The following RALYL variants were observed in gnomAD, a reference collection of about 807,000 sequenced individuals.
RALYL encodes the protein RNA-binding Raly-like protein.
A neutral mutation model predicts 35.1 loss-of-function variants in RALYL; 29 were observed. The ratio of observed to expected loss-of-function variants is 0.83; its 90% CI spans 0.61 to 1.13. The LOEUF is 1.13. Among genes scored for constraint, RALYL ranks in the 50% most tolerant of loss-of-function variants. The pLI is 0.00. For missense variants in RALYL, 359 were observed against 360.4 expected (o/e 1.00, Z 0.03); for synonymous variants, 120 against 127.6 (o/e 0.94, Z 0.40).
chr8:84,550,720 C>T (rs751492056), intron 2 of RALYL, among the ~76,000 whole-genome samples: 18 of 151,746 alleles, frequency 1.2e-4, no homozygotes, highest in East Asian at 1.9e-4. Context: ...ATTATGAACG[C>T]GGTTCCTATA....
At chr8:84,611,530 A>T (rs1818309556) in intron 2 of RALYL, among the ~76,000 whole-genome samples, 1 of 152,144 alleles carries the variant, frequency 6.6e-6, no homozygotes, top group Non-Finnish European at 1.5e-5. Flanking sequence ...TCATACATGT[A>T]TATGAATGAA....
chr8:84,293,084 A>G (rs1384258088), intron 1 of RALYL, among the ~76,000 whole-genome samples: 1 of 152,174 alleles, frequency 6.6e-6, no homozygotes, highest in Admixed American at 6.6e-5. Context: ...AAATTACATA[A>G]TATGGTAATG....
At chr8:84,460,345 G>A (rs185281252) in intron 1 of RALYL, among the ~76,000 whole-genome samples, 4 of 151,768 alleles carry the variant, frequency 2.6e-5, no homozygotes, top group Non-Finnish European at 1.5e-5. Context: ...TTCACCTCCA[G>A]GTATATTTGT....
At chr8:84,825,131 T>G (rs1829392493) in intron 4 of RALYL, among the ~76,000 whole-genome samples, 1 of 152,046 alleles carries the variant, frequency 6.6e-6, no homozygotes, top group African/African-American at 2.4e-5. Context: ...CCAGAATCTT[T>G]AAGGAACTTA....
At chr8:84,835,683 CAAAA>C (rs5892932) in intron 4 of RALYL, among the ~76,000 whole-genome samples, 1 of 72,554 alleles carries the variant, frequency 1.4e-5, no homozygotes, top group African/African-American at 5.2e-5. Context: ...AACTCCGTCT[CAAAA>C]AAAAAAAAAA....
At chr8:84,387,234 A>C (rs909431624) in intron 1 of RALYL, among the ~76,000 whole-genome samples, 2 of 151,828 alleles carry the variant, frequency 1.3e-5, no homozygotes, top group Non-Finnish European at 2.9e-5. Flanking sequence ...TATGGTAGGC[A>C]CTTAACATGT....
intron 1 of RALYL, among the ~76,000 whole-genome samples, chr8:84,496,282 G>A (rs1471234076): frequency 6.6e-6 from 1 of 152,118 alleles, no homozygotes; most frequent in Non-Finnish European, 1.5e-5. Flanking sequence ...ATGTGAATAA[G>A]CAAGGTAGTT....
In RALYL at chr8:84,425,416, G is replaced by GGT. The variant is rs1261527954; in HGVS notation, c.-23-103881_-23-103880dup. Among the ~76,000 whole-genome samples the GGT allele has an allele frequency of 3.9e-5, 6 of 152,140 alleles. No homozygotes were observed. In the East Asian group the frequency reaches 1.2e-3, roughly 30 times the overall value. On this transcript the variant is annotated intron_variant, in intron 1 of 8. Coordinates refer to ENST00000521268, the MANE Select transcript of RALYL (RefSeq NM_173848.7). Reference sequence around the variant, plus strand: ...CCTCGCCCTGCTTCGGCTCGCGCACGGTGCGCTCACCCACTGGCCTGCGCC... The same window carrying GGT: ...CCTCGCCCTGCTTCGGCTCGCGCACGGTGTGCGCTCACCCACTGGCCTGCGCC...
At chr8:84,873,507 T>C in intron 7 of RALYL, 110 bp downstream of exon 7, 2 of 543,936 alleles carry the variant, frequency 3.7e-6, no homozygotes, top group Admixed American at 3.5e-5. Context: ...CAGTGTTTAA[T>C]ACAGATGTGC....
Position 84,615,570 on chromosome 8 carries a change from C to CTTTTTTTT in RALYL, c.256+86016_256+86023dup, listed in dbSNP as rs60428128. The stretch of plus-strand genomic sequence containing the variant: ...GAGAGCCTGACTATAGAACTTTCGT[C>CTTTTTTTT]TTTTTTTTTTTTTTTTTTTTTTTTT... On this transcript the variant is annotated intron_variant, in intron 2 of 8. Coordinates refer to ENST00000521268, the MANE Select transcript of RALYL (RefSeq NM_173848.7). 1.4e-3 allele frequency among the ~76,000 whole-genome samples: 93 copies of CTTTTTTTT among 67,368 alleles called. 1 individual carries two copies. The highest frequency in any genetic ancestry group is 1.7e-3 in the African/African-American group (27 of 15,498). The allele number at this position is 67,368 out of a possible 152,430, so 44.2% of individuals were successfully genotyped here. A position where few individuals can be genotyped will look rare whatever the true frequency, so the allele number is the denominator to read the frequency against.
intron 1 of RALYL, among the ~76,000 whole-genome samples, chr8:84,498,136 A>G (rs983562350): frequency 6.6e-6 from 1 of 152,048 alleles, no homozygotes; most frequent in Non-Finnish European, 1.5e-5. Flanking sequence ...GGAAGCCAAC[A>G]TAACTCCATT....
intron 1 of RALYL, among the ~76,000 whole-genome samples, chr8:84,435,707 C>T (rs2047640161): frequency 6.6e-6 from 1 of 152,064 alleles, no homozygotes; most frequent in South Asian, 2.1e-4. Flanking sequence ...TAATCACTAC[C>T]ATACTCACCA....
chr8:84,623,259 A>G (rs1821968986), intron 2 of RALYL, among the ~76,000 whole-genome samples: 1 of 152,154 alleles, frequency 6.6e-6, no homozygotes. Context: ...TTAATGTGTC[A>G]TGTTATCGTG....
chr8:84,809,358 T>C (rs1004446204), intron 4 of RALYL, among the ~76,000 whole-genome samples: 4 of 152,206 alleles, frequency 2.6e-5, no homozygotes, highest in Non-Finnish European at 5.9e-5. Flanking sequence ...GGTTATCTTT[T>C]TGATATGTTG....
At chr8:84,804,826 A>G in intron 4 of RALYL, 24 bp downstream of exon 4, 1 of 1,030,292 alleles carries the variant, frequency 9.7e-7, no homozygotes, top group Non-Finnish European at 1.3e-6. Flanking sequence ...TAAATACTTT[A>G]AGTATTAATT....
In RALYL at chr8:84,365,106, T is replaced by A. The variant is rs540488137; in HGVS notation, c.-23-164193T>A. Among the ~76,000 whole-genome samples the A allele has an allele frequency of 7.9e-5, 12 of 152,250 alleles. No individual in the cohort carries two copies. In the South Asian group the frequency reaches 2.5e-3, roughly 32 times the overall value. Reference sequence around the variant, plus strand: ...TTTATTAAATGAGCAAATCAATGAATGAATAATAAATGAAAAATTTTCACT... The same window carrying A: ...TTTATTAAATGAGCAAATCAATGAAAGAATAATAAATGAAAAATTTTCACT... On this transcript the variant is annotated intron_variant, in intron 1 of 8. Transcript: ENST00000521268.
intron 1 of RALYL, among the ~76,000 whole-genome samples, chr8:84,317,424 G>T (rs1241263398): frequency 6.6e-6 from 1 of 152,156 alleles, no homozygotes; most frequent in Middle Eastern, 3.2e-3. Context: ...ATGATGTCAA[G>T]ATAGCTGCCT....
chr8:84,475,411 G>A (rs1187890910), intron 1 of RALYL, among the ~76,000 whole-genome samples: 1 of 152,054 alleles, frequency 6.6e-6, no homozygotes, highest in Admixed American at 6.6e-5. Context: ...TTGGAGACAG[G>A]TTTTCACCAC....
intron 1 of RALYL, among the ~76,000 whole-genome samples, chr8:84,373,756 A>T (rs1856394198): frequency 6.6e-6 from 1 of 152,006 alleles, no homozygotes; most frequent in Non-Finnish European, 1.5e-5. Flanking sequence ...TTCTGTGAAG[A>T]ATGTCATTGG....
Sources: allele counts gnomAD v4.1 joint callset (sites outside exome capture counted in the v4.1 genomes callset), GRCh38; gene constraint gnomAD v4.1.1; transcripts MANE v1.5; gene names NCBI Gene and HGNC (gene_info 2026-07-23, HGNC 2026-07-21).